Variants in CSMD1 observed in about 807,000 individuals in gnomAD.
CSMD1 encodes the protein CUB and sushi domain-containing protein 1.
A neutral mutation model predicts 417.5 loss-of-function variants in CSMD1; 213 were observed. That is an observed-to-expected ratio of 0.51 (90% confidence interval 0.46 to 0.57). The LOEUF (loss-of-function observed/expected upper bound fraction) is 0.57. Ranked by LOEUF, CSMD1 falls within the 20% of genes least tolerant of loss-of-function variation. CSMD1 has a pLI of 0.00. For synonymous variants in CSMD1, 2,862 were observed against 1,736.8 expected, an observed-to-expected ratio of 1.65 and a Z score of -16.11; for missense variants, 6,923 against 4,529.7, an observed-to-expected ratio of 1.53 and a Z score of -15.17.
intron 37 of CSMD1, among the ~76,000 whole-genome samples, chr8:3,175,688 TTCAGAC>T (rs1820894829): frequency 2.0e-5 from 2 of 97,962 alleles, no homozygotes; most frequent in Admixed American, 8.5e-5. Flanking sequence ...CGAGCAGAGC[TTCAGAC>T]GTGGGAACAT....
Position 4,138,242 on chromosome 8 carries a change from G to C in CSMD1, c.416-106143C>G, listed in dbSNP as rs1585398283. On this transcript the variant is annotated intron_variant, in intron 3 of 69. Transcript: ENST00000635120. ...TTTTTTTTTCAGGTCTCTAACTGAT[G>C]GGTTTTCCTTTTCTCCTGGCTATGC... Among the ~76,000 whole-genome samples, 2 of 135,194 alleles carry C rather than the reference G, an allele frequency of 1.5e-5. 1 individual carries two copies. The highest frequency in any genetic ancestry group is 4.2e-4 in the East Asian group (2 of 4,714). 88.7% of individuals were successfully genotyped at this position (135,194 alleles called of 152,430 possible). A position where few individuals can be genotyped will look rare whatever the true frequency, so the allele number is the denominator to read the frequency against.
At chr8:3,709,948 G>A (rs1801413875) in intron 6 of CSMD1, among the ~76,000 whole-genome samples, 1 of 150,800 alleles carries the variant, frequency 6.6e-6, no homozygotes, top group Admixed American at 6.6e-5. Context: ...TTGGGGCACT[G>A]ACCAACCCCC....
intron 25 of CSMD1, among the ~76,000 whole-genome samples, chr8:3,289,597 T>C (rs1296702246): frequency 2.1e-5 from 3 of 145,268 alleles, no homozygotes; most frequent in South Asian, 4.2e-4. Flanking sequence ...CATTTTTTCA[T>C]GTGTCTTTTG....
chr8:3,925,508 C>G (rs746011552), intron 5 of CSMD1, among the ~76,000 whole-genome samples: 23 of 152,110 alleles, frequency 1.5e-4, no homozygotes, highest in Non-Finnish European at 2.2e-4. Flanking sequence ...TGCGGTTTGG[C>G]TGGGTCCCCA....
intron 5 of CSMD1, among the ~76,000 whole-genome samples, chr8:3,803,533 G>A (rs981382836): frequency 6.6e-6 from 1 of 152,192 alleles, no homozygotes; most frequent in Non-Finnish European, 1.5e-5. Context: ...GCTGGGCCCA[G>A]GACAGAGGTA....
At chr8:4,955,898 G>A (rs1052981104) in intron 1 of CSMD1, among the ~76,000 whole-genome samples, 12 of 152,154 alleles carry the variant, frequency 7.9e-5, no homozygotes, top group African/African-American at 2.4e-4. Context: ...AACTTCAGAG[G>A]CAAAAAATTA....
chr8:4,569,794 T>G (rs1236177715), intron 2 of CSMD1, among the ~76,000 whole-genome samples: 1 of 152,246 alleles, frequency 6.6e-6, no homozygotes, highest in Non-Finnish European at 1.5e-5. Context: ...TCTTTCCATT[T>G]GTTTGTGTCC....
At chr8:3,309,319 G>A (rs369283216) in intron 23 of CSMD1, among the ~76,000 whole-genome samples, 168 of 145,144 alleles carry the variant, frequency 1.2e-3, no homozygotes, top group African/African-American at 4.1e-3. Flanking sequence ...AACTTCATGG[G>A]AAAAGAAAAA....
Position 3,774,234 on chromosome 8 carries a change from A to G in CSMD1, c.819-20192T>C, listed in dbSNP as rs1745977813. The stretch of plus-strand genomic sequence containing the variant: ...CTCTTATCCAACAACTTTTGGCTCA[A>G]ATGCCACTTGCTCTGTAAATTCTTA... On this transcript the variant is annotated intron_variant, in intron 5 of 69. Transcript: ENST00000635120. 2.0e-5 allele frequency among the ~76,000 whole-genome samples: 3 copies of G among 152,256 alleles called. No individual in the cohort carries two copies. In the South Asian group the frequency reaches 6.2e-4, roughly 32 times the overall value.
rs1265195339 is a variant in CSMD1 at position 4,994,595 on chromosome 8, T to G, written c.-179A>C. 2 of 602,140 alleles carry G rather than the reference T, an allele frequency of 3.3e-6. No homozygotes were observed. Among genetic ancestry groups the G allele is most frequent in the East Asian group, 2.9e-5 (1 of 34,424 alleles). 37.3% of individuals were successfully genotyped at this position (602,140 alleles called of 1,614,324 possible). A position where few individuals can be genotyped will look rare whatever the true frequency, so the allele number is the denominator to read the frequency against. ...GGGCGCCCGGCTCGCTTCCCTCTCA[T>G]AGCATCGGGTCCCGAGCCACTGCAG... On this transcript the variant is annotated 5_prime_UTR_variant, in exon 1 of 70. An upstream start codon of the reference 5' UTR is lost. Coordinates refer to ENST00000635120, the MANE Select transcript of CSMD1 (RefSeq NM_033225.6).
chr8:4,764,625 T>G (rs903095756), intron 1 of CSMD1, among the ~76,000 whole-genome samples: 1 of 151,714 alleles, frequency 6.6e-6, no homozygotes, highest in Non-Finnish European at 1.5e-5. Flanking sequence ...TTTTGTCTAC[T>G]GGATTTAGAT....
chr8:4,626,063 A>T (rs1364151239), intron 2 of CSMD1, among the ~76,000 whole-genome samples: 4 of 152,144 alleles, frequency 2.6e-5, no homozygotes, highest in Admixed American at 6.5e-5. Context: ...ACGGACTTGT[A>T]AGAACTGACA....
chr8:3,738,818 C>T (rs1796653136), intron 6 of CSMD1, among the ~76,000 whole-genome samples: 1 of 152,158 alleles, frequency 6.6e-6, no homozygotes, highest in African/African-American at 2.4e-5. Flanking sequence ...ACGCGTGACA[C>T]CATGTTTCTC....
chr8:4,595,794 C>T (rs1311073220), intron 2 of CSMD1, among the ~76,000 whole-genome samples: 1 of 152,186 alleles, frequency 6.6e-6, no homozygotes, highest in Non-Finnish European at 1.5e-5. Flanking sequence ...CAGAACATTT[C>T]AGCACCTTTT....
chr8:3,134,390 C>T (rs975636205), intron 41 of CSMD1, among the ~76,000 whole-genome samples: 2 of 152,072 alleles, frequency 1.3e-5, no homozygotes, highest in South Asian at 2.1e-4. Context: ...CATCCAACCA[C>T]GAAGGCATGC....
intron 1 of CSMD1, among the ~76,000 whole-genome samples, chr8:4,738,903 T>TTGTGTGTGTGTGTGTGTG (rs34836566): frequency 0.16 from 23,888 of 147,300 alleles, 2,095 homozygotes; most frequent in Admixed American, 0.23. Context: ...TTCTGTGTGT[T>TTGTGTGTGTGTGTGTGTG]TGTGTGTGTG....
chr8:4,828,722 G>A (rs890218279), intron 1 of CSMD1, among the ~76,000 whole-genome samples: 2 of 152,020 alleles, frequency 1.3e-5, no homozygotes, highest in African/African-American at 2.4e-5. Flanking sequence ...AAATCCTAAC[G>A]CTACTACTTT....
chr8:4,444,545 C>T (rs548575472), intron 2 of CSMD1, among the ~76,000 whole-genome samples: 2 of 151,984 alleles, frequency 1.3e-5, no homozygotes, highest in African/African-American at 4.8e-5. Flanking sequence ...TAATGTCCAT[C>T]TTTTAGGGGT....
intron 3 of CSMD1, among the ~76,000 whole-genome samples, chr8:4,279,009 GT>G (rs1179358793): frequency 6.6e-6 from 1 of 152,130 alleles, no homozygotes; most frequent in Non-Finnish European, 1.5e-5. Context: ...TTTACTGACA[GT>G]TGTTAAAGTT....
Sources: gnomAD v4.1 joint callset for allele counts (sites outside exome capture counted in the v4.1 genomes callset) on GRCh38, gnomAD v4.1.1 for gene constraint, MANE v1.5 for transcripts, NCBI Gene and HGNC (gene_info 2026-07-23, HGNC 2026-07-21) for gene names.